DLGAP2: variants seen among roughly 807,000 people sequenced by gnomAD.
DLGAP2 encodes the protein DLG associated protein 2, also known as disks large-associated protein 2.
A neutral mutation model predicts 100.3 loss-of-function variants in DLGAP2; 26 were observed. That is an observed-to-expected ratio of 0.26 (90% CI 0.19 to 0.36). The LOEUF (loss-of-function observed/expected upper bound fraction) is 0.36, where lower values mean the gene tolerates loss of function less well. Among genes scored for constraint, DLGAP2 ranks in the 10% least tolerant of loss-of-function variants. The pLI is 1.00. For missense variants in DLGAP2, 1,858 were observed against 1,453.2 expected, an observed-to-expected ratio of 1.28 and a Z score of -4.53; for synonymous variants, 886 against 630.1, an observed-to-expected ratio of 1.41 and a Z score of -6.08.
chr8:1,371,334 G>A (rs1385915444), intron 3 of DLGAP2, among the ~76,000 whole-genome samples: 1 of 152,212 alleles, frequency 6.6e-6, no homozygotes, highest in Non-Finnish European at 1.5e-5. Flanking sequence ...GGCTGGTGCT[G>A]TATCCTCGTG....
chr8:750,851 T>C (rs890749455), intron 1 of DLGAP2, among the ~76,000 whole-genome samples: 1 of 152,238 alleles, frequency 6.6e-6, no homozygotes, highest in Non-Finnish European at 1.5e-5. Context: ...AGAATTCAAA[T>C]TGGCTAAATT....
At chr8:1,253,196 G>A (rs1243634997) in intron 2 of DLGAP2, among the ~76,000 whole-genome samples, 4 of 152,332 alleles carry the variant, frequency 2.6e-5, no homozygotes, top group Non-Finnish European at 5.9e-5. Context: ...CGCTGAGCTT[G>A]GCTTCGTCCT....
Position 1,315,367 on chromosome 8 carries a change from G to T in DLGAP2, c.106+56484G>T, listed in dbSNP as rs1453760991. ...GCGTTTAAAAATAGAGCCTATGCGAGTGCAGCGTCTCTCCAACAGTGGTCT... is the reference window on the plus strand; with the variant it reads ...GCGTTTAAAAATAGAGCCTATGCGATTGCAGCGTCTCTCCAACAGTGGTCT... On this transcript the variant is annotated intron_variant, in intron 3 of 14. Coordinates refer to ENST00000637795, the MANE Select transcript of DLGAP2 (RefSeq NM_001346810.2). Among the ~76,000 whole-genome samples the T allele has an allele frequency of 2.8e-5, 4 of 141,546 alleles. No individual in the cohort carries two copies. In the Admixed American group the frequency reaches 2.8e-4, roughly 10 times the overall value. The allele number at this position is 141,546 out of a possible 152,430, so 92.9% of individuals were successfully genotyped here.
chr8:1,335,988 G>T (rs1386860190), intron 3 of DLGAP2, among the ~76,000 whole-genome samples: 1 of 152,178 alleles, frequency 6.6e-6, no homozygotes, highest in African/African-American at 2.4e-5. Flanking sequence ...GCTTTTTCCG[G>T]TAAAGAGCTC....
At chr8:1,356,689 C>T (rs567116595) in intron 3 of DLGAP2, among the ~76,000 whole-genome samples, 4 of 152,162 alleles carry the variant, frequency 2.6e-5, no homozygotes, top group Middle Eastern at 3.4e-3. Context: ...TATGAGCAAA[C>T]GATCATTCGC....
At chr8:1,696,538 T>G (rs1456335629) in intron 13 of DLGAP2, among the ~76,000 whole-genome samples, 1 of 152,188 alleles carries the variant, frequency 6.6e-6, no homozygotes, top group African/African-American at 2.4e-5. Flanking sequence ...GTGGAAATCA[T>G]GTATCTGTCA....
At chr8:1,551,852 G>C (rs939140549) in intron 5 of DLGAP2, among the ~76,000 whole-genome samples, 2 of 152,164 alleles carry the variant, frequency 1.3e-5, no homozygotes, top group Admixed American at 1.3e-4. Context: ...CCTGGTCAGT[G>C]GTCACATTCC....
At chr8:1,384,284 C>A (rs1055217169) in intron 3 of DLGAP2, among the ~76,000 whole-genome samples, 2 of 152,256 alleles carry the variant, frequency 1.3e-5, no homozygotes, top group Admixed American at 1.3e-4. Context: ...GCACTCTCCT[C>A]TGCCGTGGCC....
intron 3 of DLGAP2, among the ~76,000 whole-genome samples, chr8:1,364,506 G>GT (rs112493539): frequency 4.2e-4 from 63 of 150,344 alleles, no homozygotes; most frequent in African/African-American, 1.1e-3. Flanking sequence ...GAAGGGCGGG[G>GT]GGGGTGCAGC....
intron 3 of DLGAP2, among the ~76,000 whole-genome samples, chr8:1,349,359 T>G (rs1801649171): frequency 6.8e-6 from 1 of 147,508 alleles, no homozygotes; most frequent in African/African-American, 2.5e-5. Flanking sequence ...GAGACTATCG[T>G]GAGCCTCGTG....
chr8:1,578,432 A>T (rs1387269347), intron 6 of DLGAP2, among the ~76,000 whole-genome samples: 1 of 152,168 alleles, frequency 6.6e-6, no homozygotes, highest in African/African-American at 2.4e-5. Context: ...CCGTCCCGTG[A>T]GATGGAACGT....
intron 2 of DLGAP2, among the ~76,000 whole-genome samples, chr8:1,188,131 A>G (rs1797552759): frequency 7.2e-6 from 1 of 138,642 alleles, no homozygotes; most frequent in Non-Finnish European, 1.5e-5. Context: ...GCCTCACGGA[A>G]TCTCGCACGC....
intron 2 of DLGAP2, among the ~76,000 whole-genome samples, chr8:934,847 A>G (rs1799033934): frequency 6.6e-6 from 1 of 152,200 alleles, no homozygotes; most frequent in South Asian, 2.1e-4. Context: ...GTTCTCGGCT[A>G]TAAGAGCAAC....
intron 3 of DLGAP2, among the ~76,000 whole-genome samples, chr8:1,460,885 C>G (rs183690948): frequency 1.7e-4 from 26 of 152,272 alleles, no homozygotes; most frequent in Admixed American, 1.7e-3. Flanking sequence ...AATTTCCACA[C>G]AAGTCTTTGG....
chr8:1,255,671 CCTGCCTGGGAGCTGTGTGTGTGTCCTCTT>C (rs1480263121), intron 2 of DLGAP2, among the ~76,000 whole-genome samples: 2,072 of 140,692 alleles, frequency 0.015, 65 homozygotes, highest in African/African-American at 0.055. Flanking sequence ...TGTGTCGTCT[CCTGCCTGGGAGCTGTGTGTGTGTCCTCTT>C]CTGCCTGGGA....
intron 2 of DLGAP2, among the ~76,000 whole-genome samples, chr8:1,143,977 G>A (rs974136409): frequency 1.3e-5 from 2 of 152,204 alleles, no homozygotes; most frequent in African/African-American, 4.8e-5. Context: ...ATAATTAGGA[G>A]GAATTTTGGA....
chr8:856,083 A>G (rs1326221002), intron 1 of DLGAP2, among the ~76,000 whole-genome samples: 1 of 152,188 alleles, frequency 6.6e-6, no homozygotes, highest in African/African-American at 2.4e-5. Context: ...AAAGATATGC[A>G]TATTGGGATA....
intron 1 of DLGAP2, among the ~76,000 whole-genome samples, chr8:882,683 C>G (rs1198764258): frequency 1.7e-5 from 2 of 117,116 alleles, no homozygotes; most frequent in Non-Finnish European, 3.5e-5. Context: ...CTGCGCGCAC[C>G]CTCGCCTGAT....
intron 2 of DLGAP2, among the ~76,000 whole-genome samples, chr8:1,072,116 A>G (rs1431201685): frequency 6.6e-6 from 1 of 152,136 alleles, no homozygotes; most frequent in African/African-American, 2.4e-5. Context: ...TGTGCCACCA[A>G]CCACCGTCAA....
Sources: gnomAD v4.1 joint callset for allele counts (sites outside exome capture counted in the v4.1 genomes callset) on GRCh38, gnomAD v4.1.1 for gene constraint, MANE v1.5 for transcripts, NCBI Gene and HGNC (gene_info 2026-07-23, HGNC 2026-07-21) for gene names.